The following MRTFB variants were observed in gnomAD, a reference collection of about 807,000 sequenced individuals.
MRTFB encodes the protein myocardin-related transcription factor B.
Under a neutral mutation model 104.2 loss-of-function variants are expected in MRTFB, and 29 were observed. That is an observed-to-expected ratio of 0.28 (90% CI 0.21 to 0.38). MRTFB has a LOEUF of 0.38. Among genes scored for constraint, MRTFB ranks in the 10% least tolerant of loss-of-function variants. The probability of loss-of-function intolerance (pLI) is 1.00; values close to 1 mark genes in which losing one functional copy is unlikely to be tolerated. For synonymous variants in MRTFB, 535 were observed against 519.5 expected (o/e 1.03, Z -0.41); for missense variants, 1,270 against 1,341.6 (o/e 0.95, Z 0.83).
chr16:14,017,687 G>GTATATATATATATA, the MRTFB span, among the ~76,000 whole-genome samples: 24 of 6,808 alleles, frequency 3.5e-3, 1 homozygote, highest in Non-Finnish European at 9.6e-3. Context: ...GTGTGTGTGT[G>GTATATATATATATA]TATATATATA....
upstream of MRTFB, among the ~76,000 whole-genome samples, chr16:14,069,052 C>G (rs939528628): frequency 1.3e-5 from 2 of 148,694 alleles, no homozygotes; most frequent in Non-Finnish European, 3.0e-5. Context: ...TCAGTGCAAC[C>G]TCCTCTTCCC....
intron 1 of MRTFB, among the ~76,000 whole-genome samples, chr16:14,079,029 C>T (rs1219040185): frequency 1.3e-5 from 2 of 152,194 alleles, no homozygotes; most frequent in African/African-American, 4.8e-5. Context: ...AGCACCCGAA[C>T]TCTTAGCCCG....
At chr16:14,186,679 G>C (rs763845823) in intron 3 of MRTFB, 11 of 1,319,488 alleles carry the variant, frequency 8.3e-6, no homozygotes, top group East Asian at 3.5e-5. Context: ...TCTGCCTCCC[G>C]ATGTGGGAGA....
intron 3 of MRTFB, among the ~76,000 whole-genome samples, chr16:14,201,653 A>C (rs1313165009): frequency 6.6e-6 from 1 of 152,164 alleles, no homozygotes; most frequent in African/African-American, 2.4e-5. Context: ...CTGCTGTTCT[A>C]TTTATTTTAC....
At chr16:14,253,393 G>A (rs1008604762) in intron 15 of MRTFB, among the ~76,000 whole-genome samples, 10 of 152,176 alleles carry the variant, frequency 6.6e-5, no homozygotes, top group Admixed American at 5.2e-4. Flanking sequence ...ACGGCAAACA[G>A]CAGGAACATC....
At chr16:14,237,361 C>G (rs1010389513) in intron 9 of MRTFB, among the ~76,000 whole-genome samples, 2 of 152,148 alleles carry the variant, frequency 1.3e-5, no homozygotes, top group African/African-American at 4.8e-5. Flanking sequence ...CACGATGTTT[C>G]AAGAAGAAGG....
intron 2 of MRTFB, among the ~76,000 whole-genome samples, chr16:14,126,206 TA>T (rs982640799): frequency 6.6e-6 from 1 of 152,122 alleles, no homozygotes; most frequent in Non-Finnish European, 1.5e-5. Context: ...TTTTCCTTTT[TA>T]AAAAAACCTT....
At chr16:14,055,937 AT>A in the MRTFB span, among the ~76,000 whole-genome samples, 48 of 151,610 alleles carry the variant, frequency 3.2e-4, no homozygotes, top group Non-Finnish European at 5.2e-4. Flanking sequence ...TCTAATGGTG[AT>A]TTTTTTTATT....
At chr16:14,082,002 CTG>C (rs977407019) in intron 2 of MRTFB, among the ~76,000 whole-genome samples, 93 of 152,286 alleles carry the variant, frequency 6.1e-4, no homozygotes, top group African/African-American at 2.2e-3. Context: ...AGTTTCTTCA[CTG>C]TGGATTGCTT....
At chr16:14,086,347 GT>G (rs962535255) in intron 2 of MRTFB, among the ~76,000 whole-genome samples, 2 of 152,180 alleles carry the variant, frequency 1.3e-5, no homozygotes, top group African/African-American at 4.8e-5. Flanking sequence ...ATTCCAAAGA[GT>G]TCATGAGCTA....
intron 10 of MRTFB, among the ~76,000 whole-genome samples, chr16:14,243,967 T>A: frequency 6.6e-6 from 1 of 150,878 alleles, no homozygotes; most frequent in East Asian, 2.0e-4. Flanking sequence ...TCACACCACC[T>A]CCAGGGTTCA....
intron 3 of MRTFB, among the ~76,000 whole-genome samples, chr16:14,204,525 A>G (rs770793481): frequency 3.3e-5 from 5 of 152,188 alleles, no homozygotes; most frequent in Non-Finnish European, 7.3e-5. Context: ...ATTAAAATCA[A>G]ATTTTTACTT....
the MRTFB span, among the ~76,000 whole-genome samples, chr16:14,063,138 C>A: frequency 6.6e-6 from 1 of 152,184 alleles, no homozygotes; most frequent in Non-Finnish European, 1.5e-5. Context: ...TGATCCAGCA[C>A]TGGGTGCGGC....
the MRTFB span, among the ~76,000 whole-genome samples, chr16:14,054,081 G>A: frequency 6.6e-6 from 1 of 152,158 alleles, no homozygotes; most frequent in African/African-American, 2.4e-5. Context: ...TGTTCATGGT[G>A]ATCTGTGCCA....
intron 3 of MRTFB, among the ~76,000 whole-genome samples, chr16:14,172,704 T>C (rs947985610): frequency 6.6e-6 from 1 of 152,180 alleles, no homozygotes; most frequent in African/African-American, 2.4e-5. Context: ...TTGTCAGACA[T>C]TTTTACCATC....
upstream of MRTFB, among the ~76,000 whole-genome samples, chr16:14,070,672 C>T (rs1415172050): frequency 6.6e-6 from 1 of 152,262 alleles, no homozygotes; most frequent in African/African-American, 2.4e-5. Flanking sequence ...CTCCTCCTCT[C>T]ACCTTGGTGA....
intron 2 of MRTFB, among the ~76,000 whole-genome samples, chr16:14,112,374 A>G (rs1419685419): frequency 1.3e-5 from 2 of 152,154 alleles, no homozygotes; most frequent in Non-Finnish European, 2.9e-5. Flanking sequence ...GGAAGAGTGG[A>G]TGACGGGGTT....
At chr16:14,034,677 G>C in the MRTFB span, among the ~76,000 whole-genome samples, 4 of 148,610 alleles carry the variant, frequency 2.7e-5, no homozygotes, top group East Asian at 7.9e-4. Flanking sequence ...CTTCCTTTCT[G>C]TTTGTCTTTC....
chr16:14,263,366 T>A lies in MRTFB; in HGVS notation c.*1922T>A, dbSNP rs1218361330. 6.6e-6 allele frequency: 1 copy of A among 152,262 alleles called. No homozygotes were observed. The highest frequency in any genetic ancestry group is 1.5e-5 in the Non-Finnish European group (1 of 68,056). The allele number at this position is 152,262 out of a possible 1,614,324, so 9.4% of individuals were successfully genotyped here. A position where few individuals can be genotyped will look rare whatever the true frequency, so the allele number is the denominator to read the frequency against. On this transcript the variant is annotated 3_prime_UTR_variant, in exon 17 of 17. Transcript: ENST00000571589. ...GAGGGGCCTGTCTCCAGGGCCAGGC[T>A]ATTTACTTGGGAAAGTATTTTTCTT...
Sources: allele counts gnomAD v4.1 joint callset (sites outside exome capture counted in the v4.1 genomes callset), GRCh38; gene constraint gnomAD v4.1.1; transcripts MANE v1.5; gene names NCBI Gene and HGNC (gene_info 2026-07-23, HGNC 2026-07-21).